Variants in ARMH3 observed in about 807,000 individuals in gnomAD.
ARMH3 encodes the protein armadillo like helical domain containing 3.
A neutral mutation model predicts 99.1 loss-of-function variants in ARMH3; 60 were observed. The observed-to-expected ratio is 0.61, with a 90% CI of 0.49 to 0.75. The LOEUF (loss-of-function observed/expected upper bound fraction) is 0.75, where lower values mean the gene tolerates loss of function less well. ARMH3 is among the 30% of genes least tolerant of loss of function. ARMH3 has a pLI of 0.00. For missense variants in ARMH3, 679 were observed against 843.1 expected (o/e 0.81, Z 2.41); for synonymous variants, 285 against 292.8 (o/e 0.97, Z 0.27).
chr10:101,971,115 A>AG (rs1845752754), intron 20 of ARMH3, among the ~76,000 whole-genome samples: 1 of 151,082 alleles, frequency 6.6e-6, no homozygotes, highest in Non-Finnish European at 1.5e-5. Context: ...AAAAAAAAAA[A>AG]AAGCAAACAT....
chr10:102,015,270 A>T (rs1377049497), intron 8 of ARMH3, among the ~76,000 whole-genome samples: 1 of 152,150 alleles, frequency 6.6e-6, no homozygotes. Flanking sequence ...AATCAAGCAA[A>T]ATCGGCTGAC....
intron 23 of ARMH3, among the ~76,000 whole-genome samples, chr10:101,922,295 T>C (rs1397804095): frequency 6.6e-6 from 1 of 152,180 alleles, no homozygotes; most frequent in Non-Finnish European, 1.5e-5. Context: ...CAGGCTGGAG[T>C]GCAGTGGCAC....
chr10:102,047,225 AT>A (rs2067578526), intron 1 of ARMH3, among the ~76,000 whole-genome samples: 1 of 151,896 alleles, frequency 6.6e-6, no homozygotes, highest in Non-Finnish European at 1.5e-5. Context: ...AGGATTTTTA[AT>A]TTTTTTTCAC....
At position 101,907,384 on chromosome 10, in the gene ARMH3, T is replaced by TG. The variant is rs1300432614; in HGVS notation, c.1782-17895dup. Among the ~76,000 whole-genome samples the TG allele has an allele frequency of 2.0e-5, 3 of 151,118 alleles. No individual in the cohort carries two copies. The East Asian group carries it at 5.8e-4, about 29-fold the overall frequency. ...GGATAACTGTTTTTGTCTTTGTTTTTGTTTTTTTTTTTTTTTGAGACAGGG... is the reference window on the plus strand; with the variant it reads ...GGATAACTGTTTTTGTCTTTGTTTTTGGTTTTTTTTTTTTTTTGAGACAGGG... On this transcript the variant is annotated intron_variant, in intron 23 of 25. Transcript: ENST00000370033.
At chr10:101,856,496 A>G (rs1319987272) in intron 24 of ARMH3, among the ~76,000 whole-genome samples, 3 of 152,000 alleles carry the variant, frequency 2.0e-5, no homozygotes, top group Non-Finnish European at 4.4e-5. Context: ...CCATTTTCCC[A>G]AAGAGACTGT....
intron 2 of ARMH3, among the ~76,000 whole-genome samples, chr10:102,034,038 C>T (rs762500086): frequency 6.6e-6 from 1 of 152,126 alleles, no homozygotes; most frequent in Non-Finnish European, 1.5e-5. Flanking sequence ...ATATTATCAC[C>T]GTCCTCCCAT....
chr10:101,981,299 G>C (rs962001023), intron 19 of ARMH3, among the ~76,000 whole-genome samples: 2 of 152,158 alleles, frequency 1.3e-5, no homozygotes, highest in Admixed American at 6.5e-5. Flanking sequence ...TGCAGAATGA[G>C]AGCCAGAGAC....
chr10:101,953,150 G>C (rs1844871440), intron 22 of ARMH3, among the ~76,000 whole-genome samples: 1 of 152,088 alleles, frequency 6.6e-6, no homozygotes, highest in Non-Finnish European at 1.5e-5. Context: ...TTTTTCTTGA[G>C]ATAGGGTACC....
intron 23 of ARMH3, among the ~76,000 whole-genome samples, chr10:101,903,611 T>C (rs572708542): frequency 8.5e-5 from 13 of 152,304 alleles, no homozygotes; most frequent in Admixed American, 6.5e-4. Context: ...TGAGAATGTG[T>C]GGGCACATTT....
chr10:102,023,756 GT>G lies in ARMH3; in HGVS notation c.508-8del. On this transcript the variant is annotated splice_region_variant and splice_polypyrimidine_tract_variant and intron_variant, in intron 6 of 25. Coordinates refer to ENST00000370033, the MANE Select transcript of ARMH3 (RefSeq NM_024541.3). ...GGCTGATGTTATCTGTCACCTGAATGTAATAAAAGGCTTTTTAAAGTCTGTT... is the reference window on the plus strand; with the variant it reads ...GGCTGATGTTATCTGTCACCTGAATGAATAAAAGGCTTTTTAAAGTCTGTT... 1.2e-6 allele frequency: 2 copies of G among 1,612,812 alleles called. No individual in the cohort carries two copies. The highest frequency in any genetic ancestry group is 1.7e-6 in the Non-Finnish European group (2 of 1,178,846).
chr10:101,864,145 A>C (rs2066943349), intron 24 of ARMH3, among the ~76,000 whole-genome samples: 3 of 152,072 alleles, frequency 2.0e-5, no homozygotes, highest in African/African-American at 7.2e-5. Context: ...ACATGAAAAA[A>C]TGCTCATCAT....
At chr10:102,055,634 G>A (rs751878382) in intron 1 of ARMH3, among the ~76,000 whole-genome samples, 2 of 152,158 alleles carry the variant, frequency 1.3e-5, no homozygotes, top group African/African-American at 2.4e-5. Flanking sequence ...GAGCCCTTCC[G>A]GGACACCTGA....
At position 101,934,809 on chromosome 10, in the gene ARMH3, G is replaced by C. The variant is rs1004339891; in HGVS notation, c.1781+5054C>G. ...TTAGTTTACTATCTTTCTCTCTTTTGACTAATAAGGTTAATAGCAGACATC... is the reference window on the plus strand; with the variant it reads ...TTAGTTTACTATCTTTCTCTCTTTTCACTAATAAGGTTAATAGCAGACATC... On this transcript the variant is annotated intron_variant, in intron 23 of 25. Transcript: ENST00000370033. Among the ~76,000 whole-genome samples the C allele has an allele frequency of 3.3e-5, 5 of 152,046 alleles. No homozygotes were observed. The South Asian group carries it at 6.2e-4, about 19-fold the overall frequency.
intron 23 of ARMH3, among the ~76,000 whole-genome samples, chr10:101,896,850 C>T (rs117570414): frequency 9.0e-4 from 137 of 152,242 alleles, no homozygotes; most frequent in Non-Finnish European, 1.5e-3. Context: ...GCAGAGATGA[C>T]GAGTGAGACT....
intron 24 of ARMH3, 62 bp from the exon 25 acceptor site, chr10:101,849,954 A>C (rs771794873): frequency 5.5e-6 from 8 of 1,447,884 alleles, no homozygotes; most frequent in African/African-American, 1.4e-5. Flanking sequence ...CCTGAGCCCC[A>C]TTCTGCTGAT....
chr10:101,886,964 AACTGCAGGGCCCT>A (rs1423267478), intron 24 of ARMH3, among the ~76,000 whole-genome samples: 2 of 152,202 alleles, frequency 1.3e-5, no homozygotes, highest in East Asian at 3.8e-4. Flanking sequence ...TGCTGCTAAC[AACTGCAGGGCCCT>A]ACTGCAATCC....
chr10:101,889,566 T>C, intron 23 of ARMH3, 76 bp from the exon 24 acceptor site: 1 of 1,318,274 alleles, frequency 7.6e-7, no homozygotes, highest in South Asian at 1.2e-5. Context: ...AAGGATCAAG[T>C]ACCCTCTGGT....
At chr10:101,993,025 C>T (rs968492591) in intron 17 of ARMH3, among the ~76,000 whole-genome samples, 2 of 152,020 alleles carry the variant, frequency 1.3e-5, no homozygotes, top group Non-Finnish European at 1.5e-5. Context: ...AATCTCAGCA[C>T]TTTGGCAGGC....
chr10:101,969,474 A>G (rs977409637), intron 20 of ARMH3, among the ~76,000 whole-genome samples: 1 of 152,218 alleles, frequency 6.6e-6, no homozygotes, highest in African/African-American at 2.4e-5. Flanking sequence ...CCTGTATGGC[A>G]ACACTTAAAA....
Sources: allele counts gnomAD v4.1 joint callset (sites outside exome capture counted in the v4.1 genomes callset), GRCh38; gene constraint gnomAD v4.1.1; transcripts MANE v1.5; gene names NCBI Gene and HGNC (gene_info 2026-07-23, HGNC 2026-07-21).